Variants in ITGA1 observed in about 807,000 individuals in gnomAD.
ITGA1 encodes the protein integrin alpha-1.
ITGA1 carries 85 observed loss-of-function variants against 145.9 expected under a neutral mutation model. That is an observed-to-expected ratio of 0.58 (90% confidence interval 0.49 to 0.70). The LOEUF is 0.70. ITGA1 is among the 30% of genes least tolerant of loss of function. The pLI is 0.00. For missense variants in ITGA1, 1,351 were observed against 1,418.7 expected, an observed-to-expected ratio of 0.95 and a Z score of 0.77; for synonymous variants, 520 against 495.3, an observed-to-expected ratio of 1.05 and a Z score of -0.66.
intron 1 of ITGA1, among the ~76,000 whole-genome samples, chr5:52,796,159 C>T (rs528037322): frequency 1.2e-4 from 18 of 151,884 alleles, no homozygotes; most frequent in African/African-American, 4.3e-4. Flanking sequence ...AAATTGGGTT[C>T]CAGAGAGACT....
At chr5:52,835,054 T>A (rs1749142553) in intron 1 of ITGA1, among the ~76,000 whole-genome samples, 1 of 152,160 alleles carries the variant, frequency 6.6e-6, no homozygotes, top group African/African-American at 2.4e-5. Flanking sequence ...TTCTGGGATA[T>A]CCCATACAAT....
intron 11 of ITGA1, among the ~76,000 whole-genome samples, chr5:52,900,460 A>T (rs1457694300): frequency 6.6e-6 from 1 of 152,194 alleles, no homozygotes; most frequent in Non-Finnish European, 1.5e-5. Flanking sequence ...TAAGAATGCC[A>T]AGTGAACAAT....
At chr5:52,794,163 A>G (rs977466124) in intron 1 of ITGA1, among the ~76,000 whole-genome samples, 2 of 152,012 alleles carry the variant, frequency 1.3e-5, no homozygotes, top group African/African-American at 4.8e-5. Flanking sequence ...TAATTCAAAT[A>G]TGCAAAGGAG....
chr5:52,915,223 A>G (rs2111863715), intron 14 of ITGA1, among the ~76,000 whole-genome samples: 1 of 152,244 alleles, frequency 6.6e-6, no homozygotes, highest in Non-Finnish European at 1.5e-5. Context: ...GACACTATAT[A>G]ATTTTTCCCT....
intron 28 of ITGA1, among the ~76,000 whole-genome samples, chr5:52,951,463 A>G (rs1751218163): frequency 6.6e-6 from 1 of 152,186 alleles, no homozygotes; most frequent in South Asian, 2.1e-4. Flanking sequence ...ATGATGCCCC[A>G]AATTGCAAAG....
rs753163315 is a variant in ITGA1 at position 52,920,402 on chromosome 5, G to T, written c.2226G>T (p.Glu742Asp). 1 of 1,612,564 alleles carries T rather than the reference G, an allele frequency of 6.2e-7. No homozygotes were observed. The highest frequency in any genetic ancestry group is 1.3e-5 in the African/African-American group (1 of 74,862). ...ISRSFFSGTQ[E>D]RKVQRNITVR... Reference sequence around the variant, plus strand: ...GAAGTTTTTTCTCTGGAACTCAAGAGAGAAAGGTTCAAAGGAACATCACAG... The same window carrying T: ...GAAGTTTTTTCTCTGGAACTCAAGATAGAAAGGTTCAAAGGAACATCACAG... The change falls in exon 17 of 29, where the codon GAG (glutamate) becomes GAT (aspartate). Residue 742 changes from glutamate (E) to aspartate (D), a missense_variant. By Grantham distance (45) the Glu-to-Asp change is conservative. Transcript: ENST00000282588.
intron 2 of ITGA1, among the ~76,000 whole-genome samples, chr5:52,853,629 A>C (rs1749461387): frequency 6.6e-6 from 1 of 152,218 alleles, no homozygotes; most frequent in South Asian, 2.1e-4. Context: ...ATAAGTTGAC[A>C]GAAAAGGTAG....
chr5:52,911,180 A>ATATAGAGTACATATTGTT (rs2111852613), intron 14 of ITGA1, among the ~76,000 whole-genome samples: 1 of 136,752 alleles, frequency 7.3e-6, no homozygotes, highest in East Asian at 2.1e-4. Context: ...TACATATTGT[A>ATATAGAGTACATATTGTT]TATATAGTGT....
At chr5:52,866,491 AC>A (rs1749690374) in intron 6 of ITGA1, among the ~76,000 whole-genome samples, 1 of 152,212 alleles carries the variant, frequency 6.6e-6, no homozygotes, top group Non-Finnish European at 1.5e-5. Flanking sequence ...AACTAATCTG[AC>A]ATCCCAAACA....
At chr5:52,910,473 C>A in intron 14 of ITGA1, 54 bp downstream of exon 14, 1 of 1,545,132 alleles carries the variant, frequency 6.5e-7, no homozygotes, top group Non-Finnish European at 8.8e-7. Flanking sequence ...CGGTTCAATG[C>A]CAGGCATTAC....
In ITGA1 at chr5:52,945,051, G is replaced by A; in HGVS notation, c.3378+16G>A. ...AAAAAGAGAGGTAAGTGCAACATGA[G>A]TTTTGAAAACATTATGCATTTCACT... is the stretch of plus-strand genomic sequence containing the variant. On this transcript the variant is annotated intron_variant, in intron 27 of 28. Transcript: ENST00000282588. 1 of 1,574,320 alleles carries A rather than the reference G, an allele frequency of 6.4e-7. No individual in the cohort carries two copies. The highest frequency in any genetic ancestry group is 1.1e-5 in the South Asian group (1 of 90,076).
intron 1 of ITGA1, among the ~76,000 whole-genome samples, chr5:52,839,511 T>C (rs148045316): frequency 6.6e-6 from 1 of 152,318 alleles, no homozygotes; most frequent in Non-Finnish European, 1.5e-5. Context: ...ATTGGTTCAA[T>C]CTCAGGGTCA....
chr5:52,820,055 A>T (rs56778235), intron 1 of ITGA1, among the ~76,000 whole-genome samples: 46,412 of 151,652 alleles, frequency 0.31, 7,693 homozygotes, highest in African/African-American at 0.44. Context: ...GTAGCCTTGT[A>T]GTATAATTTG....
chr5:52,953,220 T>C lies in ITGA1; in HGVS notation c.*769T>C, dbSNP rs1248491398. On this transcript the variant is annotated 3_prime_UTR_variant, in exon 29 of 29. Transcript: ENST00000282588. ...AACTCTTTTATACTGAAAAAACACT[T>C]AAAGTAGTTTTGTGTGGCATCACAG... The C allele has an allele frequency of 6.6e-6, 1 of 152,172 alleles. No individual in the cohort carries two copies. The highest frequency in any genetic ancestry group is 1.5e-5 in the Non-Finnish European group (1 of 68,032). The allele number at this position is 152,172 out of a possible 1,614,324, so 9.4% of individuals were successfully genotyped here.
intron 7 of ITGA1, among the ~76,000 whole-genome samples, chr5:52,886,563 TG>T: frequency 6.6e-6 from 1 of 152,302 alleles, no homozygotes; most frequent in Non-Finnish European, 1.5e-5. Flanking sequence ...TAGAAATATA[TG>T]AAGTCTTTTC....
At chr5:52,858,537 C>T (rs532142544) in intron 2 of ITGA1, among the ~76,000 whole-genome samples, 1 of 152,308 alleles carries the variant, frequency 6.6e-6, no homozygotes, top group South Asian at 2.1e-4. Context: ...AAATGCCCAG[C>T]ATGTAAAATA....
At chr5:52,836,808 T>C (rs761454169) in intron 1 of ITGA1, among the ~76,000 whole-genome samples, 12 of 152,100 alleles carry the variant, frequency 7.9e-5, no homozygotes, top group Non-Finnish European at 1.5e-4. Flanking sequence ...ATTTCATTGT[T>C]GAAATAGTTA....
intron 1 of ITGA1, among the ~76,000 whole-genome samples, chr5:52,795,332 G>C (rs774361453): frequency 6.6e-6 from 1 of 151,722 alleles, no homozygotes; most frequent in Non-Finnish European, 1.5e-5. Context: ...AAAAGATTAG[G>C]TTTGTGTTGC....
At chr5:52,932,276 C>A (rs1750903737) in intron 22 of ITGA1, 140 bp downstream of exon 22, 3 of 588,952 alleles carry the variant, frequency 5.1e-6, no homozygotes, top group Admixed American at 3.1e-5. Flanking sequence ...AGAAACCTAC[C>A]AAATCAGAAA....
Sources: allele counts gnomAD v4.1 joint callset (sites outside exome capture counted in the v4.1 genomes callset), GRCh38; gene constraint gnomAD v4.1.1; transcripts MANE v1.5; gene names NCBI Gene and HGNC (gene_info 2026-07-23, HGNC 2026-07-21).